The following STRN3 variants were observed in gnomAD, a reference collection of about 807,000 sequenced individuals.
STRN3 encodes striatin-3.
A neutral mutation model predicts 95.6 loss-of-function variants in STRN3; 29 were observed. The ratio of observed to expected loss-of-function variants is 0.30; its 90% CI spans 0.23 to 0.41. STRN3 has a LOEUF of 0.41. Ranked by LOEUF, STRN3 falls within the 10% of genes least tolerant of loss-of-function variation. The pLI, the probability that STRN3 is intolerant of heterozygous loss-of-function variation, is 1.00. For missense variants in STRN3, 890 were observed against 972.1 expected (o/e 0.92, Z 1.12); for synonymous variants, 331 against 357.6 (o/e 0.93, Z 0.84).
At chr14:31,018,457 C>A (rs1204976828) in intron 1 of STRN3, 8 of 418,548 alleles carry the variant, frequency 1.9e-5, no homozygotes, top group Non-Finnish European at 3.3e-5. Context: ...TGACACACCT[C>A]CTCCTGACTG....
chr14:30,973,801 G>T (rs1182254398), intron 1 of STRN3, among the ~76,000 whole-genome samples: 2 of 152,172 alleles, frequency 1.3e-5, no homozygotes, highest in Non-Finnish European at 2.9e-5. Flanking sequence ...TTCCTGTAAT[G>T]AAAGTATAAT....
chr14:30,926,590 ACTT>A (rs1405370712), intron 8 of STRN3, among the ~76,000 whole-genome samples: 58 of 151,758 alleles, frequency 3.8e-4, no homozygotes, highest in African/African-American at 1.3e-3. Context: ...TTCTTATAAT[ACTT>A]CTTATATTAT....
intron 7 of STRN3, among the ~76,000 whole-genome samples, chr14:30,929,963 A>AAACAAAC (rs1303910441): frequency 1.4e-5 from 2 of 147,522 alleles, no homozygotes; most frequent in East Asian, 2.0e-4. Context: ...GCAAAAAAAA[A>AAACAAAC]AAAAAAAAAA....
chr14:30,913,644 C>T lies in STRN3; in HGVS notation c.1254G>A (p.Thr418=), dbSNP rs202245907. The T allele has an allele frequency of 6.4e-5, 103 of 1,613,532 alleles. No individual in the cohort carries two copies. Among genetic ancestry groups the T allele is most frequent in the Non-Finnish European group, 8.4e-5 (99 of 1,179,784 alleles). The change falls in exon 10 of 18, where the codon ACG becomes ACA. Residue 418 remains threonine (T), a synonymous_variant. Transcript: ENST00000357479. ...GARAEEAEPI[T]FPSGGGKSFI... is the part of the protein sequence containing the mutation. ...ATGACTTGCCTCCTCCAGATGGAAACGTTATTGGTTCAGCTATAAAGAACA... is the reference window on the plus strand; with the variant it reads ...ATGACTTGCCTCCTCCAGATGGAAATGTTATTGGTTCAGCTATAAAGAACA...
At chr14:30,987,170 A>T (rs975710844) in intron 1 of STRN3, among the ~76,000 whole-genome samples, 2 of 152,210 alleles carry the variant, frequency 1.3e-5, no homozygotes, top group African/African-American at 4.8e-5. Flanking sequence ...AAGAAAGGGC[A>T]AGAGTAACGT....
intron 1 of STRN3, among the ~76,000 whole-genome samples, chr14:30,959,526 C>T (rs1317069070): frequency 1.3e-5 from 2 of 151,962 alleles, no homozygotes; most frequent in African/African-American, 4.8e-5. Flanking sequence ...ATAATAATGA[C>T]CAATTAAATA....
intron 1 of STRN3, among the ~76,000 whole-genome samples, chr14:31,021,107 GTTAAC>G (rs1325664528): frequency 6.6e-6 from 1 of 152,194 alleles, no homozygotes; most frequent in Non-Finnish European, 1.5e-5. Context: ...GGAGGATAGT[GTTAAC>G]TTTAATGTGG....
chr14:30,920,926 G>A (rs1287746341), intron 8 of STRN3, among the ~76,000 whole-genome samples: 1 of 151,898 alleles, frequency 6.6e-6, no homozygotes, highest in Non-Finnish European at 1.5e-5. Flanking sequence ...ATCTTTTAAT[G>A]ATCCACAATA....
chr14:30,918,195 T>C (rs1302724261), intron 9 of STRN3, among the ~76,000 whole-genome samples: 1 of 152,124 alleles, frequency 6.6e-6, no homozygotes, highest in African/African-American at 2.4e-5. Context: ...GTTACATATA[T>C]TTTTTGAAGT....
chr14:31,016,343 C>A (rs571626249), intron 1 of STRN3, among the ~76,000 whole-genome samples: 1 of 152,118 alleles, frequency 6.6e-6, no homozygotes, highest in South Asian at 2.1e-4. Context: ...GTAGCACATC[C>A]ATAAATGGAA....
At chr14:30,998,386 C>T (rs1256692674) in intron 1 of STRN3, among the ~76,000 whole-genome samples, 1 of 152,156 alleles carries the variant, frequency 6.6e-6, no homozygotes, top group Non-Finnish European at 1.5e-5. Context: ...GAGATGTATG[C>T]AGGGGACTTT....
intron 3 of STRN3, 70 bp downstream of exon 3, chr14:30,955,550 T>C: frequency 7.5e-7 from 1 of 1,325,302 alleles, no homozygotes; most frequent in South Asian, 1.4e-5. Flanking sequence ...AAAATGCGGG[T>C]AAAGAGAACA....
At chr14:30,952,678 C>A (rs1418090703) in intron 3 of STRN3, among the ~76,000 whole-genome samples, 2 of 151,620 alleles carry the variant, frequency 1.3e-5, no homozygotes, top group African/African-American at 2.4e-5. Context: ...CCAGCCTGGG[C>A]AATAGAGCAA....
At chr14:31,012,260 T>C (rs1387524531) in intron 1 of STRN3, among the ~76,000 whole-genome samples, 1 of 152,246 alleles carries the variant, frequency 6.6e-6, no homozygotes, top group Non-Finnish European at 1.5e-5. Context: ...TCTCATTCTC[T>C]ATTCTCCAGG....
In STRN3 at chr14:30,944,572, C is replaced by CACGTATATATATATATAT. The variant is rs1566449778; in HGVS notation, c.716+2517_716+2518insATATATATATATATACGT. On this transcript the variant is annotated intron_variant, in intron 5 of 17. Transcript: ENST00000357479. ...ATACACGTATATATATATATATATA[C>CACGTATATATATATATAT]ACACACAGACACACGCACATACATA... is the stretch of plus-strand genomic sequence containing the variant. 4.5e-3 allele frequency among the ~76,000 whole-genome samples: 187 copies of CACGTATATATATATATAT among 41,486 alleles called. 1 individual carries two copies. The highest frequency in any genetic ancestry group is 0.016 in the African/African-American group (170 of 10,598). 27.2% of individuals were successfully genotyped at this position (41,486 alleles called of 152,430 possible).
intron 1 of STRN3, among the ~76,000 whole-genome samples, chr14:30,982,577 TG>T (rs1175328198): frequency 6.6e-6 from 1 of 152,232 alleles, no homozygotes; most frequent in Non-Finnish European, 1.5e-5. Context: ...CCCGAAGTGG[TG>T]GGATTACAGG....
chr14:30,902,587 T>C lies in STRN3; in HGVS notation c.2086A>G (p.Thr696Ala). ...TGTCTATCTTCATGAGCAGTTATTG[T>C]AACAGGAAGTGTGGGATGACTTACT... is the stretch of plus-strand genomic sequence containing the variant. ...RVVSHPTLPV[T>A]ITAHEDRHIK... The change falls in exon 16 of 18, where the codon ACA becomes GCA. Residue 696 changes from threonine to alanine, a missense_variant. Around this residue, in one of 3 missense-constraint regions of STRN3, gnomAD observed 357 missense variants for 422.8 expected, o/e 0.84. Transcript: ENST00000357479. 6.2e-7 allele frequency: 1 copy of C among 1,609,612 alleles called. No individual in the cohort carries two copies. The highest frequency in any genetic ancestry group is 2.2e-5 in the East Asian group (1 of 44,556).
At chr14:31,023,509 TG>T (rs1883607469) in intron 1 of STRN3, among the ~76,000 whole-genome samples, 1 of 152,170 alleles carries the variant, frequency 6.6e-6, no homozygotes, top group African/African-American at 2.4e-5. Context: ...TACATCAATA[TG>T]GGGTATTCCT....
intron 8 of STRN3, among the ~76,000 whole-genome samples, chr14:30,925,633 G>T (rs1361938381): frequency 6.6e-6 from 1 of 152,082 alleles, no homozygotes; most frequent in East Asian, 1.9e-4. Flanking sequence ...ACAGTAGGGT[G>T]ACTACAGCTA....
Sources: gnomAD v4.1 joint callset for allele counts (sites outside exome capture counted in the v4.1 genomes callset) on GRCh38, gnomAD v4.1.1 for gene constraint, gnomAD v4.1.1 regional missense constraint, MANE v1.5 for transcripts, NCBI Gene and HGNC (gene_info 2026-07-23, HGNC 2026-07-21) for gene names.